PAK5: variants seen among roughly 807,000 people sequenced by gnomAD.
PAK5 encodes p21 (RAC1) activated kinase 5, also known as serine/threonine-protein kinase PAK 5.
In PAK5, 16 loss-of-function variants were observed where a neutral mutation model predicts 65.9. That is an observed-to-expected ratio of 0.24 (90% CI 0.16 to 0.37). The LOEUF is 0.37. PAK5 is among the 10% of genes least tolerant of loss of function. The pLI is 1.00. For synonymous variants in PAK5, 371 were observed against 354.9 expected (o/e 1.05, Z -0.51); for missense variants, 785 against 903.9 (o/e 0.87, Z 1.69).
intron 1 of PAK5, among the ~76,000 whole-genome samples, chr20:9,718,813 G>A (rs2123511825): frequency 6.6e-6 from 1 of 152,200 alleles, no homozygotes; most frequent in East Asian, 1.9e-4. Flanking sequence ...TTATAACACG[G>A]ATAATTTTAA....
intron 1 of PAK5, among the ~76,000 whole-genome samples, chr20:9,773,084 TAGA>T (rs2048851610): frequency 6.6e-6 from 1 of 152,126 alleles, no homozygotes; most frequent in South Asian, 2.1e-4. Flanking sequence ...CAACAGGGTG[TAGA>T]AGGCCATCCA....
chr20:9,690,252 A>G (rs1375324754), intron 2 of PAK5, among the ~76,000 whole-genome samples: 2 of 152,156 alleles, frequency 1.3e-5, no homozygotes, highest in East Asian at 1.9e-4. Context: ...AAATGCCCCC[A>G]TGTGGGGTGT....
chr20:9,835,988 A>C (rs2123796313), intron 1 of PAK5, among the ~76,000 whole-genome samples: 1 of 152,338 alleles, frequency 6.6e-6, no homozygotes, highest in South Asian at 2.1e-4. Context: ...CTGGGGGCAC[A>C]GTATGTTTGA....
intron 2 of PAK5, among the ~76,000 whole-genome samples, chr20:9,675,896 T>A (rs2047563852): frequency 8.2e-6 from 1 of 122,198 alleles, no homozygotes; most frequent in African/African-American, 3.0e-5. Flanking sequence ...AATTTTTAAT[T>A]CTGTAACACT....
At chr20:9,721,119 A>C (rs1416377988) in intron 1 of PAK5, among the ~76,000 whole-genome samples, 1 of 152,196 alleles carries the variant, frequency 6.6e-6, no homozygotes, top group African/African-American at 2.4e-5. Flanking sequence ...ATCTCGATAA[A>C]TATGCAAAAT....
chr20:9,556,771 C>T (rs984590645), intron 7 of PAK5, among the ~76,000 whole-genome samples: 1 of 152,092 alleles, frequency 6.6e-6, no homozygotes, highest in African/African-American at 2.4e-5. Context: ...AGAGGTTTGC[C>T]AGTGTGATAA....
intron 1 of PAK5, among the ~76,000 whole-genome samples, chr20:9,819,634 A>T (rs944090903): frequency 2.6e-5 from 4 of 151,920 alleles, no homozygotes; most frequent in Non-Finnish European, 5.9e-5. Flanking sequence ...TAATCCTTGC[A>T]GATCCTCTCT....
At chr20:9,631,342 T>A (rs2123227104) in intron 3 of PAK5, among the ~76,000 whole-genome samples, 1 of 152,212 alleles carries the variant, frequency 6.6e-6, no homozygotes, top group Non-Finnish European at 1.5e-5. Context: ...GTCACTCTCA[T>A]GGTTAACTTA....
At chr20:9,821,077 T>C (rs1430710495) in intron 1 of PAK5, among the ~76,000 whole-genome samples, 1 of 152,138 alleles carries the variant, frequency 6.6e-6, no homozygotes, top group Non-Finnish European at 1.5e-5. Context: ...TAAAACAGGT[T>C]TCCTGTCCAT....
intron 1 of PAK5, among the ~76,000 whole-genome samples, chr20:9,805,551 C>A (rs2049221381): frequency 6.6e-6 from 1 of 152,078 alleles, no homozygotes. Context: ...TAAAAAGGAA[C>A]AAAATACTGA....
At chr20:9,788,910 A>G (rs890561605) in intron 1 of PAK5, among the ~76,000 whole-genome samples, 1 of 152,166 alleles carries the variant, frequency 6.6e-6, no homozygotes, top group African/African-American at 2.4e-5. Context: ...TTCAGGTCTT[A>G]GAGCTTTCAA....
At chr20:9,593,256 A>G (rs1040341585) in intron 3 of PAK5, among the ~76,000 whole-genome samples, 5 of 151,984 alleles carry the variant, frequency 3.3e-5, no homozygotes, top group African/African-American at 1.2e-4. Context: ...GTCAGGTATA[A>G]TCATACCACT....
At chr20:9,710,626 TG>T (rs780480607) in intron 2 of PAK5, among the ~76,000 whole-genome samples, 1 of 152,130 alleles carries the variant, frequency 6.6e-6, no homozygotes, top group African/African-American at 2.4e-5. Flanking sequence ...TACCCATGTG[TG>T]GGGGGTAGTA....
chr20:9,714,345 G>A (rs1423457550), intron 1 of PAK5, among the ~76,000 whole-genome samples: 1 of 151,988 alleles, frequency 6.6e-6, no homozygotes, highest in Non-Finnish European at 1.5e-5. Flanking sequence ...AGAAATAACA[G>A]CTTTTATTTC....
intron 1 of PAK5, among the ~76,000 whole-genome samples, chr20:9,792,460 A>G: frequency 6.6e-6 from 1 of 152,186 alleles, no homozygotes; most frequent in East Asian, 1.9e-4. Flanking sequence ...GTTTGCAGGA[A>G]TTATACTCCC....
chr20:9,717,299 G>GGCA lies in PAK5; in HGVS notation c.-161-5867_-161-5865dup, dbSNP rs757652746. 2.4e-4 allele frequency among the ~76,000 whole-genome samples: 36 copies of GGCA among 152,218 alleles called. No individual in the cohort carries two copies. In the East Asian group the frequency reaches 6.2e-3, roughly 26 times the overall value. ...ACCTTTTACTAGCTGCACGATTTGA[G>GGCA]GCAATTTATTATTCCCTGAGATTAT... On this transcript the variant is annotated intron_variant, in intron 1 of 9. Transcript: ENST00000353224.
chr20:9,724,012 T>C (rs562054911), intron 1 of PAK5, among the ~76,000 whole-genome samples: 1 of 152,308 alleles, frequency 6.6e-6, no homozygotes, highest in East Asian at 1.9e-4. Flanking sequence ...CAGCCAATCT[T>C]AGTCTGTGGG....
At position 9,566,046 on chromosome 20, in the gene PAK5, T is replaced by C; in HGVS notation, c.1329A>G (p.Gly443=). The C allele has an allele frequency of 6.2e-7, 1 of 1,613,970 alleles. No individual in the cohort carries two copies. The highest frequency in any genetic ancestry group is 1.1e-5 in the South Asian group (1 of 91,060). ...RAALQLVVSP[G]DPREYLANFI... Reference sequence around the variant, plus strand: ...AGTTGGCCAAGTATTCCCTGGGGTCTCCTGGGCTGACCACCAGCTGCAGGG... The same window carrying C: ...AGTTGGCCAAGTATTCCCTGGGGTCCCCTGGGCTGACCACCAGCTGCAGGG... Residue 443 remains glycine (G), a synonymous_variant, in exon 5 of 10, where the codon GGA becomes GGG. Coordinates refer to ENST00000353224, the MANE Select transcript of PAK5 (RefSeq NM_177990.4).
chr20:9,780,711 CTA>C (rs571419604), intron 1 of PAK5, among the ~76,000 whole-genome samples: 180 of 152,210 alleles, frequency 1.2e-3, no homozygotes, highest in Non-Finnish European at 2.0e-3. Context: ...AGCTGCTACT[CTA>C]AACCATTCAA....
Sources: allele counts gnomAD v4.1 joint callset (sites outside exome capture counted in the v4.1 genomes callset), GRCh38; gene constraint gnomAD v4.1.1; transcripts MANE v1.5; gene names NCBI Gene and HGNC (gene_info 2026-07-23, HGNC 2026-07-21).